Variants in DCDC1 observed in about 807,000 individuals in gnomAD.
DCDC1 encodes doublecortin domain containing 1, also known as doublecortin domain-containing protein 1.
A neutral mutation model predicts 178.3 loss-of-function variants in DCDC1; 200 were observed. The ratio of observed to expected loss-of-function variants is 1.12; its 90% confidence interval spans 1.00 to 1.26. The LOEUF is 1.26. Among genes scored for constraint, DCDC1 ranks in the 50% most tolerant of loss-of-function variants. The probability of loss-of-function intolerance (pLI) is 0.00; values close to 1 mark genes in which losing one functional copy is unlikely to be tolerated. For synonymous variants in DCDC1, 690 were observed against 604.8 expected, an observed-to-expected ratio of 1.14 and a Z score of -2.07; for missense variants, 1,983 against 1,749.2, an observed-to-expected ratio of 1.13 and a Z score of -2.38.
At chr11:31,010,754 C>A (rs957717678) in intron 20 of DCDC1, among the ~76,000 whole-genome samples, 5 of 152,132 alleles carry the variant, frequency 3.3e-5, no homozygotes, top group African/African-American at 1.2e-4. Flanking sequence ...TAAATGTATT[C>A]CATTTTTAAG....
At chr11:31,315,306 CTTTTTTTT>C (rs72156406) in intron 3 of DCDC1, among the ~76,000 whole-genome samples, 3 of 62,140 alleles carry the variant, frequency 4.8e-5, no homozygotes, top group South Asian at 9.8e-4. Context: ...TTTGCATACC[CTTTTTTTT>C]TTTTTTTTTT....
chr11:30,884,048 T>TTTTTTTTTTTTTTTTTG, intron 36 of DCDC1, among the ~76,000 whole-genome samples: 1 of 147,370 alleles, frequency 6.8e-6, no homozygotes, highest in East Asian at 2.0e-4. Context: ...TTTTTTTTTT[T>TTTTTTTTTTTTTTTTTG]GAGACAGGGT....
In DCDC1 at chr11:31,306,376, G is replaced by T. The variant is rs1444738235; in HGVS notation, c.447C>A (p.Phe149Leu). The change falls in exon 5 of 39, where the codon TTC (phenylalanine) becomes TTA (leucine). Residue 149 changes from phenylalanine (F) to leucine (L), a missense_variant. Phe to Leu is a conservative substitution (Grantham distance 22, BLOSUM62 0). Coordinates refer to ENST00000684477, the MANE Select transcript of DCDC1 (RefSeq NM_001387274.1). ...APVGQLRVAE[F>L]SSLKFQSARN... Reference sequence around the variant, plus strand: ...GGGCTGACTGAAATTTTAAAGAAGAGAACTCTGCAACCCTGAAGAAAAAGA... The same window carrying T: ...GGGCTGACTGAAATTTTAAAGAAGATAACTCTGCAACCCTGAAGAAAAAGA... The T allele has an allele frequency of 3.1e-6, 5 of 1,606,596 alleles. No individual in the cohort carries two copies. The highest frequency in any genetic ancestry group is 4.2e-6 in the Non-Finnish European group (5 of 1,176,966).
intron 8 of DCDC1, among the ~76,000 whole-genome samples, chr11:31,254,637 T>A (rs1261087926): frequency 6.6e-6 from 1 of 152,130 alleles, no homozygotes; most frequent in African/African-American, 2.4e-5. Flanking sequence ...AGCTCATGAG[T>A]CTGCAAGTTA....
intron 7 of DCDC1, among the ~76,000 whole-genome samples, chr11:31,277,156 T>C (rs1344219031): frequency 6.6e-6 from 1 of 152,066 alleles, no homozygotes; most frequent in Non-Finnish European, 1.5e-5. Flanking sequence ...TGGCCCTAAG[T>C]CACCAATAAT....
At chr11:30,884,353 A>G (rs1331423064) in intron 36 of DCDC1, among the ~76,000 whole-genome samples, 1 of 152,152 alleles carries the variant, frequency 6.6e-6, no homozygotes, top group African/African-American at 2.4e-5. Context: ...ATTCATGAAG[A>G]TAAAAGATGT....
At chr11:30,995,121 T>G (rs924514240) in intron 20 of DCDC1, among the ~76,000 whole-genome samples, 1 of 151,988 alleles carries the variant, frequency 6.6e-6, no homozygotes, top group Non-Finnish European at 1.5e-5. Flanking sequence ...ATGAAAGAAA[T>G]AAAATTTGAA....
chr11:31,300,577 G>T (rs917167064), intron 6 of DCDC1, among the ~76,000 whole-genome samples: 2 of 151,926 alleles, frequency 1.3e-5, no homozygotes, highest in African/African-American at 4.8e-5. Flanking sequence ...AGCTGACTTC[G>T]AGTCTAGTGT....
rs1030696606 is a variant in DCDC1 at position 31,087,906 on chromosome 11, A to G, written c.2237+3487T>C. Among the ~76,000 whole-genome samples the G allele has an allele frequency of 2.0e-5, 3 of 152,116 alleles. No homozygotes were observed. In the East Asian group the frequency reaches 5.8e-4, roughly 29 times the overall value. On this transcript the variant is annotated intron_variant, in intron 17 of 38. Transcript: ENST00000684477. ...TTTTTCACTTGTTCTGTTAATTATG[A>G]AACAGGGTATTATTGTTGCTCACTA... is the stretch of plus-strand genomic sequence containing the variant.
chr11:31,137,075 T>C (rs1265227703), intron 10 of DCDC1, among the ~76,000 whole-genome samples: 1 of 152,182 alleles, frequency 6.6e-6, no homozygotes, highest in Non-Finnish European at 1.5e-5. Context: ...GTTTTTCCTA[T>C]GTTGGTAGGT....
chr11:31,349,523 C>A (rs1166407944), intron 1 of DCDC1, among the ~76,000 whole-genome samples: 2 of 152,000 alleles, frequency 1.3e-5, no homozygotes, highest in Non-Finnish European at 2.9e-5. Flanking sequence ...ATTAACTTGT[C>A]TTATTAAAGA....
intron 7 of DCDC1, among the ~76,000 whole-genome samples, chr11:31,276,382 A>G (rs1945985948): frequency 6.6e-6 from 1 of 152,238 alleles, no homozygotes; most frequent in Non-Finnish European, 1.5e-5. Flanking sequence ...TACTAAAAAT[A>G]CTTCACCTTT....
intron 38 of DCDC1, among the ~76,000 whole-genome samples, chr11:30,875,395 TGA>T (rs1942023690): frequency 6.6e-6 from 1 of 152,196 alleles, no homozygotes; most frequent in African/African-American, 2.4e-5. Context: ...TAGAAACAAC[TGA>T]GAGTCACCAC....
intron 36 of DCDC1, among the ~76,000 whole-genome samples, chr11:30,892,044 A>C (rs1943829240): frequency 6.6e-6 from 1 of 152,234 alleles, no homozygotes; most frequent in African/African-American, 2.4e-5. Flanking sequence ...CTTGTCCCAG[A>C]AAAATTCATG....
chr11:31,034,237 T>G (rs1953868982), intron 20 of DCDC1, among the ~76,000 whole-genome samples: 2 of 152,024 alleles, frequency 1.3e-5, no homozygotes, highest in Non-Finnish European at 2.9e-5. Context: ...AATGTGTTTG[T>G]GTTTTAAACT....
intron 20 of DCDC1, among the ~76,000 whole-genome samples, chr11:31,018,974 G>A (rs183395706): frequency 3.5e-4 from 54 of 152,244 alleles, no homozygotes; most frequent in Admixed American, 2.4e-3. Flanking sequence ...GAATGGGGGC[G>A]AAAGATGCAA....
chr11:31,310,308 A>T (rs1212787064), intron 3 of DCDC1, among the ~76,000 whole-genome samples: 583 of 53,764 alleles, frequency 0.011, 55 homozygotes, highest in African/African-American at 0.036. Context: ...GTAATTCTTG[A>T]TTTTTTTTTT....
chr11:30,890,612 A>T (rs921053363), intron 36 of DCDC1, among the ~76,000 whole-genome samples: 7 of 152,190 alleles, frequency 4.6e-5, no homozygotes, highest in Non-Finnish European at 8.8e-5. Context: ...TTTCCTTATT[A>T]AAAAAATCTG....
At chr11:31,297,640 C>T (rs920528795) in intron 6 of DCDC1, among the ~76,000 whole-genome samples, 17 of 152,110 alleles carry the variant, frequency 1.1e-4, no homozygotes, top group Admixed American at 1.0e-3. Flanking sequence ...CCACCATGCC[C>T]GGCCCCCATA....
Sources: allele counts gnomAD v4.1 joint callset (sites outside exome capture counted in the v4.1 genomes callset), GRCh38; gene constraint gnomAD v4.1.1; transcripts MANE v1.5; gene names NCBI Gene and HGNC (gene_info 2026-07-23, HGNC 2026-07-21).